The following RGS6 variants were observed in gnomAD, a reference collection of about 807,000 sequenced individuals.
RGS6 encodes the protein regulator of G-protein signaling 6.
Under a neutral mutation model 78.5 loss-of-function variants are expected in RGS6, and 30 were observed. That is an observed-to-expected ratio of 0.38 (90% CI 0.29 to 0.52). RGS6 has a LOEUF of 0.52. Among genes scored for constraint, RGS6 ranks in the 20% least tolerant of loss-of-function variants. The pLI is 0.85. For synonymous variants in RGS6, 206 were observed against 206.0 expected, an observed-to-expected ratio of 1.00 and a Z score of 0.00; for missense variants, 495 against 609.7, an observed-to-expected ratio of 0.81 and a Z score of 1.98.
intron 14 of RGS6, among the ~76,000 whole-genome samples, chr14:72,510,816 T>C (rs2286069): frequency 0.63 from 95,571 of 152,098 alleles, 30,965 homozygotes; most frequent in East Asian, 0.96. Flanking sequence ...TCTTTTAGAA[T>C]GACTTCTGTC....
chr14:72,151,569 C>T (rs4902989), intron 2 of RGS6, among the ~76,000 whole-genome samples: 78,379 of 151,920 alleles, frequency 0.52, 20,316 homozygotes, highest in Middle Eastern at 0.59. Flanking sequence ...GGAGTGGCCA[C>T]GCTGAATCTC....
At chr14:72,206,484 C>T (rs755059501) in intron 2 of RGS6, among the ~76,000 whole-genome samples, 2 of 151,758 alleles carry the variant, frequency 1.3e-5, no homozygotes, top group Non-Finnish European at 2.9e-5. Context: ...GTGTGTGTCA[C>T]ACACACACAG....
rs59274317 is a variant in RGS6 at position 72,001,895 on chromosome 14, C to CTTTTTTTTTTTTTTT, written c.84+37031_84+37045dup. Reference sequence around the variant, plus strand: ...TTGAAGTGTTTAGACATCCATTAATCTTTTTTTTTTTTTTTTTTTTTTTTT... The same window carrying CTTTTTTTTTTTTTTT: ...TTGAAGTGTTTAGACATCCATTAATCTTTTTTTTTTTTTTTTTTTTTTTTTTTTTTTTTTTTTTTT... On this transcript the variant is annotated intron_variant, in intron 2 of 17. Transcript: ENST00000553525. Among the ~76,000 whole-genome samples, 32 of 92,530 alleles carry CTTTTTTTTTTTTTTT rather than the reference C, an allele frequency of 3.5e-4. 1 individual carries two copies. The highest frequency in any genetic ancestry group is 1.4e-3 in the African/African-American group (32 of 22,760). 60.7% of individuals were successfully genotyped at this position (92,530 alleles called of 152,430 possible). A position where few individuals can be genotyped will look rare whatever the true frequency, so the allele number is the denominator to read the frequency against.
At chr14:72,380,889 A>G (rs2085906595) in intron 3 of RGS6, among the ~76,000 whole-genome samples, 1 of 152,196 alleles carries the variant, frequency 6.6e-6, no homozygotes, top group Admixed American at 6.5e-5. Flanking sequence ...TTGCAGCACT[A>G]TTATATAGCC....
intron 2 of RGS6, among the ~76,000 whole-genome samples, chr14:72,337,976 C>G (rs1045779311): frequency 1.4e-4 from 22 of 152,168 alleles, no homozygotes; most frequent in African/African-American, 5.3e-4. Context: ...ATAAGTTTCT[C>G]TTTCAGTCTG....
intron 2 of RGS6, among the ~76,000 whole-genome samples, chr14:72,328,392 G>A (rs1954425029): frequency 1.3e-5 from 2 of 152,088 alleles, no homozygotes; most frequent in South Asian, 2.1e-4. Context: ...TACATAATAA[G>A]CACTCAACAA....
chr14:72,344,356 A>T, intron 2 of RGS6, among the ~76,000 whole-genome samples: 1 of 152,172 alleles, frequency 6.6e-6, no homozygotes, highest in Non-Finnish European at 1.5e-5. Context: ...ACGTTGGGGA[A>T]CTGGCTCCCC....
At chr14:72,037,193 C>A (rs1187423071) in intron 2 of RGS6, among the ~76,000 whole-genome samples, 2 of 152,156 alleles carry the variant, frequency 1.3e-5, no homozygotes, top group African/African-American at 4.8e-5. Flanking sequence ...ATGGACCAAT[C>A]AGCAGGACAT....
the RGS6 span, among the ~76,000 whole-genome samples, chr14:72,578,117 A>C: frequency 3.3e-3 from 498 of 152,348 alleles, 2 homozygotes; most frequent in African/African-American, 0.011. Context: ...AAACAGCCCA[A>C]TCTACCTGCT....
chr14:72,606,792 T>C, the RGS6 span, among the ~76,000 whole-genome samples: 3 of 152,118 alleles, frequency 2.0e-5, no homozygotes, highest in African/African-American at 7.2e-5. Flanking sequence ...CTCCCAGCGG[T>C]AGGTAATGAC....
chr14:72,317,590 T>A (rs2070671054), intron 2 of RGS6, among the ~76,000 whole-genome samples: 2 of 152,294 alleles, frequency 1.3e-5, no homozygotes, highest in African/African-American at 4.8e-5. Flanking sequence ...TTGGATTTTT[T>A]GTTGTTGTTT....
chr14:72,553,082 C>T (rs1304564152), intron 17 of RGS6, among the ~76,000 whole-genome samples: 1 of 152,172 alleles, frequency 6.6e-6, no homozygotes, highest in Non-Finnish European at 1.5e-5. Flanking sequence ...GTGCATGTGC[C>T]GCCTGCCTGA....
intron 2 of RGS6, among the ~76,000 whole-genome samples, chr14:72,213,207 G>A (rs1367568282): frequency 6.6e-6 from 1 of 152,002 alleles, no homozygotes; most frequent in Non-Finnish European, 1.5e-5. Context: ...CACTACTCCT[G>A]TATATTTCAA....
intron 17 of RGS6, 149 bp from the exon 18 acceptor site, chr14:72,562,268 T>C: frequency 1.3e-6 from 1 of 749,826 alleles, no homozygotes; most frequent in Non-Finnish European, 2.2e-6. Context: ...CCCATACACC[T>C]AGAGATCAAA....
intron 15 of RGS6, among the ~76,000 whole-genome samples, chr14:72,531,654 T>G (rs1479636039): frequency 6.6e-6 from 1 of 152,114 alleles, no homozygotes; most frequent in African/African-American, 2.4e-5. Context: ...TACTTTCACT[T>G]TCTTTTTGTT....
intron 2 of RGS6, among the ~76,000 whole-genome samples, chr14:72,284,284 T>C (rs1398921180): frequency 6.6e-6 from 1 of 152,092 alleles, no homozygotes; most frequent in Non-Finnish European, 1.5e-5. Flanking sequence ...ACCAAGGCAA[T>C]GGGGAAAATG....
intron 15 of RGS6, among the ~76,000 whole-genome samples, chr14:72,535,656 A>G (rs1417362014): frequency 2.0e-5 from 3 of 152,116 alleles, no homozygotes; most frequent in Non-Finnish European, 2.9e-5. Flanking sequence ...TGTCACCACA[A>G]AGATCCTTCC....
chr14:72,571,666 A>G, the RGS6 span, among the ~76,000 whole-genome samples: 1 of 152,236 alleles, frequency 6.6e-6, no homozygotes, highest in Admixed American at 6.5e-5. Context: ...ACCTTATACA[A>G]AAGTTAACTG....
chr14:72,180,716 G>C (rs143743520), intron 2 of RGS6, among the ~76,000 whole-genome samples: 3 of 152,206 alleles, frequency 2.0e-5, no homozygotes, highest in Non-Finnish European at 4.4e-5. Flanking sequence ...GTGTTGAGAC[G>C]TGGGGCCCTT....
Sources: gnomAD v4.1 joint callset for allele counts (sites outside exome capture counted in the v4.1 genomes callset) on GRCh38, gnomAD v4.1.1 for gene constraint, MANE v1.5 for transcripts, NCBI Gene and HGNC (gene_info 2026-07-23, HGNC 2026-07-21) for gene names.